SLC5A10: variants seen among roughly 807,000 people sequenced by gnomAD.
SLC5A10 encodes solute carrier family 5 member 10, also known as sodium/mannose cotransporter SLC5A10.
In SLC5A10, 55 loss-of-function variants were observed where a neutral mutation model predicts 68.9. The ratio of observed to expected loss-of-function variants is 0.80; its 90% CI spans 0.64 to 1.00. SLC5A10 has a LOEUF of 1.00. Ranked by LOEUF, SLC5A10 falls within the 50% of genes least tolerant of loss-of-function variation. SLC5A10 has a pLI of 0.00. For synonymous variants in SLC5A10, 344 were observed against 344.8 expected (o/e 1.00, Z 0.02); for missense variants, 732 against 819.3 (o/e 0.89, Z 1.30).
At chr17:18,975,708 A>T (rs1375534998) in intron 8 of SLC5A10, 2 of 151,964 alleles carry the variant, frequency 1.3e-5, no homozygotes, top group Non-Finnish European at 2.9e-5. Flanking sequence ...AGAAAAAAAA[A>T]ATCATAGAGG....
Position 19,020,621 on chromosome 17 carries a change from G to A in SLC5A10, c.*190G>A. 1 of 589,420 alleles carries A rather than the reference G, an allele frequency of 1.7e-6. No homozygotes were observed. Among genetic ancestry groups the A allele is most frequent in the Non-Finnish European group, 3.0e-6 (1 of 331,110 alleles). 36.5% of individuals were successfully genotyped at this position (589,420 alleles called of 1,614,324 possible). On this transcript the variant is annotated 3_prime_UTR_variant, in exon 15 of 15. Transcript: ENST00000395645. The stretch of plus-strand genomic sequence containing the variant: ...TAGGGGGGAAATGGGAGAAAATAAT[G>A]TGACATTTCAAAAACAGCACCAAAG...
At chr17:18,960,790 T>C in intron 5 of SLC5A10, 138 bp downstream of exon 5, 1 of 856,446 alleles carries the variant, frequency 1.2e-6, no homozygotes, top group Non-Finnish European at 1.9e-6. Context: ...AGAGGGGCAA[T>C]GACTTGCCCA....
intron 9 of SLC5A10, among the ~76,000 whole-genome samples, chr17:18,995,647 C>A (rs2043547841): frequency 6.6e-6 from 1 of 152,160 alleles, no homozygotes; most frequent in Non-Finnish European, 1.5e-5. Context: ...GTGGCTCATG[C>A]CTATAATCCC....
At chr17:18,994,122 T>G (rs767992797) in intron 9 of SLC5A10, among the ~76,000 whole-genome samples, 1 of 152,202 alleles carries the variant, frequency 6.6e-6, no homozygotes, top group African/African-American at 2.4e-5. Context: ...GTTGAGGCAG[T>G]GGCCATCATG....
At chr17:18,951,865 C>T (rs537969959), upstream of SLC5A10, 22 of 293,038 alleles carry the variant, frequency 7.5e-5, no homozygotes, top group Middle Eastern at 1.0e-3. Context: ...ATTAAGCAAC[C>T]CAGCCTTTCT....
intron 9 of SLC5A10, among the ~76,000 whole-genome samples, chr17:18,980,654 G>T (rs983393232): frequency 1.3e-5 from 2 of 152,166 alleles, no homozygotes; most frequent in African/African-American, 4.8e-5. Flanking sequence ...GCTGGTGCTG[G>T]GCACGGCAGA....
intron 5 of SLC5A10, among the ~76,000 whole-genome samples, chr17:18,964,026 T>C (rs565793496): frequency 6.9e-4 from 105 of 152,324 alleles, no homozygotes; most frequent in Middle Eastern, 3.4e-3. Flanking sequence ...GCATTTGCTG[T>C]GGCCTCTGCC....
At chr17:18,977,252 T>C in intron 9 of SLC5A10, 1 of 592,118 alleles carries the variant, frequency 1.7e-6, no homozygotes, top group Non-Finnish European at 2.9e-6. Flanking sequence ...CTTTTCCTCA[T>C]CTGCAAACTA....
chr17:19,020,223 GA>G lies in SLC5A10; in HGVS notation c.1684+12del. 6.2e-7 allele frequency: 1 copy of G among 1,612,672 alleles called. No individual in the cohort carries two copies. The highest frequency in any genetic ancestry group is 1.1e-5 in the South Asian group (1 of 91,050). Reference sequence around the variant, plus strand: ...TGGGAACTAAAGCAGGTAAGTGGATGACCCTAGGCACTCCTCCACCTTGACC... The same window carrying G: ...TGGGAACTAAAGCAGGTAAGTGGATGCCCTAGGCACTCCTCCACCTTGACC... On this transcript the variant is annotated intron_variant, in intron 14 of 14. Coordinates refer to ENST00000395645, the MANE Select transcript of SLC5A10 (RefSeq NM_001042450.4).
intron 10 of SLC5A10, among the ~76,000 whole-genome samples, chr17:19,014,432 A>G (rs1235407997): frequency 6.6e-6 from 1 of 152,080 alleles, no homozygotes; most frequent in Non-Finnish European, 1.5e-5. Context: ...AGCCAAGGAG[A>G]GAGGGGATCC....
chr17:18,982,251 A>G (rs1597857821), intron 9 of SLC5A10, among the ~76,000 whole-genome samples: 1 of 152,016 alleles, frequency 6.6e-6, no homozygotes, highest in Non-Finnish European at 1.5e-5. Flanking sequence ...GGCCTGTTCT[A>G]CCTGGGGCTC....
chr17:18,988,155 C>T, intron 9 of SLC5A10: 2 of 1,519,728 alleles, frequency 1.3e-6, no homozygotes, highest in Non-Finnish European at 1.8e-6. Context: ...GCACAGGACT[C>T]CGTCCAGAGC....
At chr17:18,963,296 G>A (rs747700888) in intron 5 of SLC5A10, among the ~76,000 whole-genome samples, 1 of 152,234 alleles carries the variant, frequency 6.6e-6, no homozygotes, top group Non-Finnish European at 1.5e-5. Context: ...GAGTCAGGCA[G>A]GGACTACTGT....
At chr17:18,960,869 T>C (rs554259691) in intron 5 of SLC5A10, among the ~76,000 whole-genome samples, 1 of 152,156 alleles carries the variant, frequency 6.6e-6, no homozygotes, top group African/African-American at 2.4e-5. Context: ...CCAGCCCTAG[T>C]CAGGGACAGA....
At chr17:18,980,736 A>G (rs906982509) in intron 9 of SLC5A10, among the ~76,000 whole-genome samples, 1 of 152,118 alleles carries the variant, frequency 6.6e-6, no homozygotes, top group Non-Finnish European at 1.5e-5. Flanking sequence ...CCGAAGTAGA[A>G]TCACAGGTGT....
upstream of SLC5A10, among the ~76,000 whole-genome samples, chr17:18,951,154 A>G (rs1342433918): frequency 1.3e-5 from 2 of 152,236 alleles, no homozygotes. Context: ...TTAAACTGCA[A>G]ATGCTTTGCA....
At position 19,020,521 on chromosome 17, in the gene SLC5A10, G is replaced by T; in HGVS notation, c.*90G>T. ...GGATCCCGAGGCCCCAAGAGGGGCA[G>T]ATTCCCCTCACAGCTGCACAGCAGC... On this transcript the variant is annotated 3_prime_UTR_variant, in exon 15 of 15. Transcript: ENST00000395645. 3 of 1,255,388 alleles carry T rather than the reference G, an allele frequency of 2.4e-6. No homozygotes were observed. Among genetic ancestry groups the T allele is most frequent in the Non-Finnish European group, 3.4e-6 (3 of 883,250 alleles). The allele number at this position is 1,255,388 out of a possible 1,614,324, so 77.8% of individuals were successfully genotyped here. A position where few individuals can be genotyped will look rare whatever the true frequency, so the allele number is the denominator to read the frequency against.
intron 9 of SLC5A10, among the ~76,000 whole-genome samples, chr17:19,012,910 T>C (rs1030145544): frequency 6.6e-6 from 1 of 152,208 alleles, no homozygotes; most frequent in Non-Finnish European, 1.5e-5. Context: ...CTGCATGAGC[T>C]GCAGCTGTGT....
intron 9 of SLC5A10, among the ~76,000 whole-genome samples, chr17:18,997,384 C>T (rs1249622471): frequency 2.0e-5 from 3 of 152,244 alleles, no homozygotes; most frequent in South Asian, 2.1e-4. Context: ...GATCCTTTCC[C>T]GCTGGCCGCA....
Sources: allele counts gnomAD v4.1 joint callset (sites outside exome capture counted in the v4.1 genomes callset), GRCh38; gene constraint gnomAD v4.1.1; transcripts MANE v1.5; gene names NCBI Gene and HGNC (gene_info 2026-07-23, HGNC 2026-07-21).